SLC24A3: variants seen among roughly 807,000 people sequenced by gnomAD.
The protein encoded by SLC24A3 is solute carrier family 24 member 3.
Under a neutral mutation model 75.8 loss-of-function variants are expected in SLC24A3, and 28 were observed. That is an observed-to-expected ratio of 0.37 (90% confidence interval 0.27 to 0.51). The LOEUF (loss-of-function observed/expected upper bound fraction) is 0.51. Among genes scored for constraint, SLC24A3 ranks in the 20% least tolerant of loss-of-function variants. The pLI is 0.94. For missense variants in SLC24A3, 663 were observed against 847.8 expected (o/e 0.78, Z 2.71); for synonymous variants, 372 against 334.1 (o/e 1.11, Z -1.24).
chr20:19,279,644 T>G (rs1385773088), intron 1 of SLC24A3, among the ~76,000 whole-genome samples: 1 of 152,226 alleles, frequency 6.6e-6, no homozygotes, highest in Non-Finnish European at 1.5e-5. Flanking sequence ...TCCTTCTCCC[T>G]GGTGCCCCCT....
In SLC24A3 at chr20:19,578,332, C is replaced by T. The variant is rs573085848; in HGVS notation, c.349-1668C>T. ...TGGGTGTACTTTTCGTGTATGCATGCGTGTGTGTGTGCATGTGTGTGTGTG... is the reference window on the plus strand; with the variant it reads ...TGGGTGTACTTTTCGTGTATGCATGTGTGTGTGTGTGCATGTGTGTGTGTG... On this transcript the variant is annotated intron_variant, in intron 3 of 16. Transcript: ENST00000328041. Among the ~76,000 whole-genome samples the T allele has an allele frequency of 2.8e-4, 42 of 151,068 alleles. No homozygotes were observed. The South Asian group carries it at 4.0e-3, about 14-fold the overall frequency.
At chr20:19,289,097 T>C (rs1481962595) in intron 2 of SLC24A3, among the ~76,000 whole-genome samples, 1 of 152,126 alleles carries the variant, frequency 6.6e-6, no homozygotes, top group African/African-American at 2.4e-5. Flanking sequence ...TCCCTGATCC[T>C]TCCCCCAGGT....
intron 7 of SLC24A3, among the ~76,000 whole-genome samples, chr20:19,662,057 G>A (rs2032332709): frequency 6.6e-6 from 1 of 152,172 alleles, no homozygotes; most frequent in Non-Finnish European, 1.5e-5. Context: ...CTCAGCAGCA[G>A]AACACGTGGA....
At chr20:19,643,272 C>G (rs775768831) in intron 6 of SLC24A3, among the ~76,000 whole-genome samples, 1 of 152,174 alleles carries the variant, frequency 6.6e-6, no homozygotes, top group Non-Finnish European at 1.5e-5. Context: ...AACGCATGCT[C>G]CATTTTAAGC....
chr20:19,427,571 C>T (rs1427895108), intron 2 of SLC24A3, among the ~76,000 whole-genome samples: 2 of 152,194 alleles, frequency 1.3e-5, no homozygotes, highest in Admixed American at 6.5e-5. Context: ...GCCTTGGCCC[C>T]AAAAATGAGG....
intron 3 of SLC24A3, among the ~76,000 whole-genome samples, chr20:19,539,089 A>G (rs1380762055): frequency 6.6e-6 from 1 of 152,226 alleles, no homozygotes; most frequent in Admixed American, 6.5e-5. Flanking sequence ...GATGATGGTT[A>G]GAGACTGTGG....
At chr20:19,348,405 G>T (rs1398586210) in intron 2 of SLC24A3, among the ~76,000 whole-genome samples, 4 of 152,184 alleles carry the variant, frequency 2.6e-5, no homozygotes, top group African/African-American at 4.8e-5. Context: ...AACAGGCAGT[G>T]AACTGTTGCT....
At chr20:19,221,737 C>T (rs1266908087) in intron 1 of SLC24A3, among the ~76,000 whole-genome samples, 1 of 152,130 alleles carries the variant, frequency 6.6e-6, no homozygotes, top group Non-Finnish European at 1.5e-5. Context: ...TGTATCCACC[C>T]CCCGCCTCAC....
At chr20:19,434,695 T>G (rs1448595880) in intron 2 of SLC24A3, among the ~76,000 whole-genome samples, 2 of 152,150 alleles carry the variant, frequency 1.3e-5, no homozygotes, top group East Asian at 3.9e-4. Context: ...CTTGGCTAAT[T>G]ACAAAGTAAA....
chr20:19,371,194 C>T (rs1985985730), intron 2 of SLC24A3, among the ~76,000 whole-genome samples: 1 of 152,020 alleles, frequency 6.6e-6, no homozygotes, highest in African/African-American at 2.4e-5. Context: ...GCATTTCCTC[C>T]CCAATAGGGG....
chr20:19,228,365 C>T (rs541779244), intron 1 of SLC24A3, among the ~76,000 whole-genome samples: 3 of 152,198 alleles, frequency 2.0e-5, no homozygotes, highest in Admixed American at 6.5e-5. Flanking sequence ...CAGGGCCGGG[C>T]GCGGTGGCTC....
chr20:19,396,989 G>T (rs1986464596), intron 2 of SLC24A3, among the ~76,000 whole-genome samples: 1 of 152,214 alleles, frequency 6.6e-6, no homozygotes, highest in Admixed American at 6.5e-5. Flanking sequence ...ATTTAGAACA[G>T]AACTTGGCCT....
chr20:19,373,839 C>T (rs548699620), intron 2 of SLC24A3, among the ~76,000 whole-genome samples: 8 of 152,038 alleles, frequency 5.3e-5, no homozygotes, highest in Non-Finnish European at 1.2e-4. Context: ...TAAGCCAAAA[C>T]GAAATGAAGC....
At chr20:19,239,568 G>C (rs888076380) in intron 1 of SLC24A3, among the ~76,000 whole-genome samples, 2 of 152,198 alleles carry the variant, frequency 1.3e-5, no homozygotes, top group African/African-American at 4.8e-5. Context: ...GTGACCCCAG[G>C]GTGGCTGACC....
At chr20:19,369,775 T>C (rs537052362) in intron 2 of SLC24A3, among the ~76,000 whole-genome samples, 1 of 152,190 alleles carries the variant, frequency 6.6e-6, no homozygotes, top group Non-Finnish European at 1.5e-5. Flanking sequence ...AGGGGCACAA[T>C]ACCTGTATTG....
In SLC24A3 at chr20:19,693,255, C is replaced by G. The variant is rs556378072; in HGVS notation, c.1325-4C>G. On this transcript the variant is annotated splice_region_variant and splice_polypyrimidine_tract_variant and intron_variant, in intron 12 of 16. Transcript: ENST00000328041. ...TTTCTTTTTGGCCTTTTTCATTTTT[C>G]CAGCGGGTAAACTGGAAACAGTGAA... 7.6e-6 allele frequency: 12 copies of G among 1,584,764 alleles called. No homozygotes were observed. Among genetic ancestry groups the G allele is most frequent in the Admixed American group, 3.8e-5 (2 of 52,786 alleles).
chr20:19,685,418 T>A, intron 12 of SLC24A3, 57 bp downstream of exon 12: 1 of 1,579,954 alleles, frequency 6.3e-7, no homozygotes, highest in Non-Finnish European at 8.6e-7. Flanking sequence ...ACTGAGTAGA[T>A]GCCCTTGACT....
chr20:19,213,849 G>A (rs905704202), intron 1 of SLC24A3, among the ~76,000 whole-genome samples: 5 of 152,208 alleles, frequency 3.3e-5, no homozygotes, highest in Non-Finnish European at 5.9e-5. Context: ...AAACATGGGA[G>A]AATAACTGTT....
intron 4 of SLC24A3, among the ~76,000 whole-genome samples, chr20:19,582,550 G>T (rs1023350190): frequency 6.6e-6 from 1 of 152,222 alleles, no homozygotes; most frequent in Non-Finnish European, 1.5e-5. Flanking sequence ...AATGATCCAG[G>T]ATCCGAAACT....
Sources: allele counts gnomAD v4.1 joint callset (sites outside exome capture counted in the v4.1 genomes callset), GRCh38; gene constraint gnomAD v4.1.1; transcripts MANE v1.5; gene names NCBI Gene and HGNC (gene_info 2026-07-23, HGNC 2026-07-21).